The following SLC38A4 variants were observed in gnomAD, a reference collection of about 807,000 sequenced individuals.
SLC38A4 encodes the protein solute carrier family 38 member 4, also known as sodium-coupled neutral amino acid transporter 4.
In SLC38A4, 20 loss-of-function variants were observed where a neutral mutation model predicts 63.1. The ratio of observed to expected loss-of-function variants is 0.32; its 90% confidence interval spans 0.22 to 0.46. SLC38A4 has a LOEUF of 0.46. SLC38A4 is among the 20% of genes least tolerant of loss of function. The probability of loss-of-function intolerance (pLI) is 1.00; values close to 1 mark genes in which losing one functional copy is unlikely to be tolerated. For missense variants in SLC38A4, 526 were observed against 663.6 expected, an observed-to-expected ratio of 0.79 and a Z score of 2.28; for synonymous variants, 230 against 225.5, an observed-to-expected ratio of 1.02 and a Z score of -0.18.
intron 2 of SLC38A4, among the ~76,000 whole-genome samples, chr12:46,802,205 A>G (rs1371799226): frequency 6.6e-6 from 1 of 152,086 alleles, no homozygotes; most frequent in Non-Finnish European, 1.5e-5. Context: ...ATAAATTGCC[A>G]CATAAATTTT....
At chr12:46,812,917 C>T (rs1939367841) in intron 1 of SLC38A4, among the ~76,000 whole-genome samples, 2 of 152,066 alleles carry the variant, frequency 1.3e-5, no homozygotes, top group Non-Finnish European at 2.9e-5. Context: ...TAATTCTCCT[C>T]AGCAAAATTT....
intron 2 of SLC38A4, among the ~76,000 whole-genome samples, chr12:46,799,161 A>G (rs1939077202): frequency 6.6e-6 from 1 of 152,192 alleles, no homozygotes; most frequent in African/African-American, 2.4e-5. Flanking sequence ...AGCTGCAAAC[A>G]TACATAATAT....
intron 1 of SLC38A4, among the ~76,000 whole-genome samples, chr12:46,810,378 G>A (rs189688304): frequency 1.2e-4 from 18 of 151,756 alleles, no homozygotes; most frequent in African/African-American, 2.4e-4. Flanking sequence ...ATCACACACC[G>A]GGGCTGTCGG....
chr12:46,817,343 A>G (rs565626763), intron 1 of SLC38A4, among the ~76,000 whole-genome samples: 1 of 151,302 alleles, frequency 6.6e-6, no homozygotes, highest in East Asian at 2.0e-4. Flanking sequence ...TATGGATTAG[A>G]GGAATTGTCT....
At chr12:46,807,433 A>C (rs560171175) in intron 1 of SLC38A4, among the ~76,000 whole-genome samples, 26 of 152,116 alleles carry the variant, frequency 1.7e-4, no homozygotes, top group African/African-American at 6.3e-4. Context: ...CTGACCTCCC[A>C]GGTCTTTCCT....
intron 1 of SLC38A4, among the ~76,000 whole-genome samples, chr12:46,813,519 T>C (rs1188677678): frequency 6.6e-6 from 1 of 151,964 alleles, no homozygotes; most frequent in Non-Finnish European, 1.5e-5. Flanking sequence ...CTTAGATAAG[T>C]CAAGTTAACC....
At chr12:46,831,230 G>A (rs1246872523) in intron 1 of SLC38A4, among the ~76,000 whole-genome samples, 2 of 152,144 alleles carry the variant, frequency 1.3e-5, no homozygotes, top group Admixed American at 1.3e-4. Flanking sequence ...CTGCCTGGGC[G>A]CACAGCTGGT....
At chr12:46,767,696 G>A (rs888571042) in intron 16 of SLC38A4, among the ~76,000 whole-genome samples, 1 of 152,018 alleles carries the variant, frequency 6.6e-6, no homozygotes, top group Non-Finnish European at 1.5e-5. Context: ...CTTTATTAAG[G>A]AGTGAAAGAT....
intron 6 of SLC38A4, 68 bp from the exon 7 acceptor site, chr12:46,784,702 A>G: frequency 1.6e-6 from 2 of 1,260,672 alleles, no homozygotes; most frequent in Non-Finnish European, 2.3e-6. Flanking sequence ...TTTGTCATAT[A>G]ATTCCATGCT....
intron 3 of SLC38A4, among the ~76,000 whole-genome samples, chr12:46,790,720 T>C (rs1466037051): frequency 1.3e-5 from 2 of 151,650 alleles, no homozygotes. Flanking sequence ...AGATGAGTTG[T>C]AGTCATTTAA....
At chr12:46,768,506 T>C in intron 15 of SLC38A4, 99 bp from the exon 16 acceptor site, 1 of 715,560 alleles carries the variant, frequency 1.4e-6, no homozygotes, top group Non-Finnish European at 2.2e-6. Context: ...TATAAAGCTA[T>C]CCTATACTTA....
chr12:46,815,321 T>C (rs948603038), intron 1 of SLC38A4, among the ~76,000 whole-genome samples: 2 of 145,102 alleles, frequency 1.4e-5, no homozygotes, highest in African/African-American at 5.2e-5. Flanking sequence ...AGATTGAGAA[T>C]ATGAATCATA....
chr12:46,806,139 G>C (rs1451682837), intron 1 of SLC38A4, among the ~76,000 whole-genome samples: 2 of 151,606 alleles, frequency 1.3e-5, no homozygotes, highest in African/African-American at 4.8e-5. Context: ...AAATACCCTT[G>C]TAATTCTGAT....
intron 1 of SLC38A4, among the ~76,000 whole-genome samples, chr12:46,812,169 C>A (rs554638723): frequency 6.6e-6 from 1 of 152,100 alleles, no homozygotes; most frequent in South Asian, 2.1e-4. Context: ...AGTTGAAAGA[C>A]TGATATGTGC....
chr12:46,814,462 G>T (rs926091436), intron 1 of SLC38A4, among the ~76,000 whole-genome samples: 20 of 151,938 alleles, frequency 1.3e-4, no homozygotes, highest in African/African-American at 4.6e-4. Flanking sequence ...TGGCAGATTT[G>T]GGGGGTTGGT....
chr12:46,784,949 A>G (rs1443239540), intron 6 of SLC38A4, among the ~76,000 whole-genome samples, 155 bp downstream of exon 6: 1 of 152,126 alleles, frequency 6.6e-6, no homozygotes, highest in Non-Finnish European at 1.5e-5. Context: ...TCACTTGCCC[A>G]AACAACTATA....
intron 12 of SLC38A4, 54 bp downstream of exon 12, chr12:46,778,235 C>T (rs1938569099): frequency 2.0e-6 from 3 of 1,535,562 alleles, no homozygotes; most frequent in Non-Finnish European, 1.8e-6. Flanking sequence ...AATCTTTGAA[C>T]ATATGAGCAG....
At chr12:46,831,508 A>T (rs996347095) in intron 1 of SLC38A4, among the ~76,000 whole-genome samples, 2 of 152,222 alleles carry the variant, frequency 1.3e-5, no homozygotes. Context: ...AGCGCGCAGC[A>T]GGCCGGGCAA....
At chr12:46,811,101 A>G (rs888560398) in intron 1 of SLC38A4, among the ~76,000 whole-genome samples, 1 of 152,054 alleles carries the variant, frequency 6.6e-6, no homozygotes, top group Non-Finnish European at 1.5e-5. Context: ...GGCAGAATAA[A>G]GAATCATCTC....
Sources: allele counts gnomAD v4.1 joint callset (sites outside exome capture counted in the v4.1 genomes callset), GRCh38; gene constraint gnomAD v4.1.1; transcripts MANE v1.5; gene names NCBI Gene and HGNC (gene_info 2026-07-23, HGNC 2026-07-21).